The following GRID2 variants were observed in gnomAD, a reference collection of about 807,000 sequenced individuals.
The protein encoded by GRID2 is glutamate receptor ionotropic, delta-2.
A neutral mutation model predicts 114.8 loss-of-function variants in GRID2; 33 were observed. That is an observed-to-expected ratio of 0.29 (90% CI 0.22 to 0.38). GRID2 has a LOEUF of 0.38. Ranked by LOEUF, GRID2 falls within the 10% of genes least tolerant of loss-of-function variation. GRID2 has a pLI of 1.00. For missense variants in GRID2, 1,184 were observed against 1,257.7 expected (o/e 0.94, Z 0.89); for synonymous variants, 505 against 449.9 (o/e 1.12, Z -1.55).
intron 2 of GRID2, among the ~76,000 whole-genome samples, chr4:92,595,940 G>A (rs574957681): frequency 3.9e-5 from 6 of 151,976 alleles, no homozygotes; most frequent in African/African-American, 1.4e-4. Context: ...TCTTTCCAGG[G>A]ATTATTCTCA....
At position 92,654,740 on chromosome 4, in the gene GRID2, C is replaced by T. The variant is rs145476786; in HGVS notation, c.244+64454C>T. 3.1e-3 allele frequency among the ~76,000 whole-genome samples: 466 copies of T among 150,982 alleles called. 2 individuals are homozygous for T. The highest frequency in any genetic ancestry group is 0.011 in the African/African-American group (450 of 41,318). On this transcript the variant is annotated intron_variant, in intron 2 of 15. Coordinates refer to ENST00000282020, the MANE Select transcript of GRID2 (RefSeq NM_001510.4). ...GCTATTTGTGTCTTTTGCCTATTTT[C>T]AAATGGAATTTTAAAAAAAAATTGT...
chr4:93,527,348 C>A lies in GRID2; in HGVS notation c.2193+11937C>A, dbSNP rs184200292. ...AATCCTTTAGGGCTCTGCTATCTGGCGCCAGCTTTGCCTAGGAGATAATAA... is the reference window on the plus strand; with the variant it reads ...AATCCTTTAGGGCTCTGCTATCTGGAGCCAGCTTTGCCTAGGAGATAATAA... On this transcript the variant is annotated intron_variant, in intron 13 of 15. Transcript: ENST00000282020. Among the ~76,000 whole-genome samples the A allele has an allele frequency of 3.3e-5, 5 of 152,114 alleles. No individual in the cohort carries two copies. In the South Asian group the frequency reaches 1.0e-3, roughly 32 times the overall value.
chr4:92,870,984 ATTC>A (rs1745231976), intron 2 of GRID2, among the ~76,000 whole-genome samples: 1 of 152,172 alleles, frequency 6.6e-6, no homozygotes, highest in African/African-American at 2.4e-5. Context: ...TAAATAAAAA[ATTC>A]TTCTAAACAT....
At chr4:93,558,510 A>C (rs560575968) in intron 13 of GRID2, among the ~76,000 whole-genome samples, 1 of 152,204 alleles carries the variant, frequency 6.6e-6, no homozygotes, top group Non-Finnish European at 1.5e-5. Flanking sequence ...ATTCCTGGAC[A>C]TACACCCTCC....
intron 2 of GRID2, among the ~76,000 whole-genome samples, chr4:93,009,330 G>T (rs1482727438): frequency 6.6e-6 from 1 of 152,054 alleles, no homozygotes; most frequent in Non-Finnish European, 1.5e-5. Flanking sequence ...GAGACAAAGG[G>T]CTGCTTTGTA....
At chr4:93,085,726 C>T (rs1281323976) in intron 3 of GRID2, among the ~76,000 whole-genome samples, 2 of 152,132 alleles carry the variant, frequency 1.3e-5, no homozygotes, top group Non-Finnish European at 2.9e-5. Flanking sequence ...ATCTTGCTTA[C>T]ACCCTTGTGT....
intron 1 of GRID2, among the ~76,000 whole-genome samples, chr4:92,391,553 A>G (rs1730239909): frequency 6.6e-6 from 1 of 152,160 alleles, no homozygotes; most frequent in South Asian, 2.1e-4. Context: ...TTCAACATTT[A>G]GAAGCACTCC....
At chr4:92,554,405 G>A (rs1454749193) in intron 1 of GRID2, among the ~76,000 whole-genome samples, 1 of 152,156 alleles carries the variant, frequency 6.6e-6, no homozygotes, top group Non-Finnish European at 1.5e-5. Flanking sequence ...ACAAGGTTCT[G>A]TTCCGAGTAT....
In GRID2 at chr4:93,003,688, TTAGAGA is replaced by T. The variant is rs534604617; in HGVS notation, c.245-81304_245-81299del. 3.0e-4 allele frequency among the ~76,000 whole-genome samples: 45 copies of T among 152,030 alleles called. 1 individual carries two copies. In the South Asian group the frequency reaches 9.1e-3, roughly 31 times the overall value. On this transcript the variant is annotated intron_variant, in intron 2 of 15. Coordinates refer to ENST00000282020, the MANE Select transcript of GRID2 (RefSeq NM_001510.4). ...CCTTGAAGAAATGTTTGTTTAGGAG[TTAGAGA>T]TAAACAGCTGTGTCTTTATAGAATG...
At position 92,601,390 on chromosome 4, in the gene GRID2, A is replaced by G. The variant is rs558768510; in HGVS notation, c.244+11104A>G. On this transcript the variant is annotated intron_variant, in intron 2 of 15. Transcript: ENST00000282020. ...AAGATTAAGAAATTCACTCAAAACCATACAACTAAATGGAAATTGAACAAC... is the reference window on the plus strand; with the variant it reads ...AAGATTAAGAAATTCACTCAAAACCGTACAACTAAATGGAAATTGAACAAC... Among the ~76,000 whole-genome samples, 229 of 152,314 alleles carry G rather than the reference A, an allele frequency of 1.5e-3. 2 individuals carry two copies. The highest frequency in any genetic ancestry group is 2.4e-3 in the Non-Finnish European group (161 of 68,028).
intron 2 of GRID2, among the ~76,000 whole-genome samples, chr4:92,843,132 A>G (rs1341899233): frequency 6.6e-6 from 1 of 152,070 alleles, no homozygotes; most frequent in Non-Finnish European, 1.5e-5. Flanking sequence ...AGTCCCAGCT[A>G]CTTGGAAGCT....
intron 8 of GRID2, among the ~76,000 whole-genome samples, chr4:93,376,057 T>C (rs1266591051): frequency 6.6e-6 from 1 of 152,136 alleles, no homozygotes; most frequent in African/African-American, 2.4e-5. Context: ...AATCTCCTCT[T>C]CCTGTAACTA....
At chr4:92,576,179 A>T (rs1367964098) in intron 1 of GRID2, among the ~76,000 whole-genome samples, 2 of 152,302 alleles carry the variant, frequency 1.3e-5, no homozygotes, top group Non-Finnish European at 2.9e-5. Context: ...CCCAGCTGGG[A>T]GGTCCCATCC....
At chr4:93,002,506 T>G (rs1436293922) in intron 2 of GRID2, among the ~76,000 whole-genome samples, 1 of 151,572 alleles carries the variant, frequency 6.6e-6, no homozygotes, top group Non-Finnish European at 1.5e-5. Context: ...GGTCTAAACC[T>G]TCTCGGTGTC....
intron 2 of GRID2, among the ~76,000 whole-genome samples, chr4:92,860,535 C>G (rs987279077): frequency 2.0e-5 from 3 of 152,022 alleles, no homozygotes; most frequent in Non-Finnish European, 4.4e-5. Context: ...TAAGAGTATA[C>G]AAAACCTGGG....
Position 92,786,399 on chromosome 4 carries a change from T to C in GRID2, c.244+196113T>C, listed in dbSNP as rs533070126. On this transcript the variant is annotated intron_variant, in intron 2 of 15. Coordinates refer to ENST00000282020, the MANE Select transcript of GRID2 (RefSeq NM_001510.4). ...GAATAATATTTCATTCTAATAGTTT[T>C]ACATGTTTATTTTACATCACTATCT... is the stretch of plus-strand genomic sequence containing the variant. Among the ~76,000 whole-genome samples, 11 of 152,068 alleles carry C rather than the reference T, an allele frequency of 7.2e-5. No individual in the cohort carries two copies. The South Asian group carries it at 2.3e-3, about 31-fold the overall frequency.
At chr4:92,855,970 T>C (rs563072082) in intron 2 of GRID2, among the ~76,000 whole-genome samples, 1 of 152,192 alleles carries the variant, frequency 6.6e-6, no homozygotes, top group South Asian at 2.1e-4. Flanking sequence ...CTTTTTCCAC[T>C]TGAAATATAT....
At chr4:93,024,588 A>G (rs1051693728) in intron 2 of GRID2, among the ~76,000 whole-genome samples, 1 of 151,764 alleles carries the variant, frequency 6.6e-6, no homozygotes, top group African/African-American at 2.4e-5. Flanking sequence ...CATGTATTTT[A>G]CATTATTTTA....
At chr4:92,914,577 C>A (rs1227623534) in intron 2 of GRID2, among the ~76,000 whole-genome samples, 2 of 152,052 alleles carry the variant, frequency 1.3e-5, no homozygotes, top group African/African-American at 4.8e-5. Context: ...TCCCACCCAC[C>A]GCATTCTGAT....
Sources: gnomAD v4.1 joint callset for allele counts (sites outside exome capture counted in the v4.1 genomes callset) on GRCh38, gnomAD v4.1.1 for gene constraint, MANE v1.5 for transcripts, NCBI Gene and HGNC (gene_info 2026-07-23, HGNC 2026-07-21) for gene names.